ZNF385D: variants seen among roughly 807,000 people sequenced by gnomAD.
ZNF385D encodes zinc finger protein 385D, also known as zinc finger protein 659.
In ZNF385D, 15 loss-of-function variants were observed where a neutral mutation model predicts 35.8. That is an observed-to-expected ratio of 0.42 (90% CI 0.28 to 0.64). ZNF385D has a LOEUF of 0.64. ZNF385D is among the 30% of genes least tolerant of loss of function. The probability of loss-of-function intolerance (pLI) is 0.23; values close to 1 mark genes in which losing one functional copy is unlikely to be tolerated. For missense variants in ZNF385D, 474 were observed against 494.6 expected, an observed-to-expected ratio of 0.96 and a Z score of 0.39; for synonymous variants, 212 against 186.8, an observed-to-expected ratio of 1.13 and a Z score of -1.10.
chr3:21,866,743 C>G (rs934189879), intron 3 of ZNF385D, among the ~76,000 whole-genome samples: 5 of 152,102 alleles, frequency 3.3e-5, no homozygotes, highest in African/African-American at 1.2e-4. Context: ...CCTCTTTTCC[C>G]TCCATTTTAG....
At chr3:21,696,676 T>C (rs935988975) in intron 1 of ZNF385D, among the ~76,000 whole-genome samples, 6 of 152,250 alleles carry the variant, frequency 3.9e-5, no homozygotes, top group African/African-American at 1.2e-4. Flanking sequence ...AAATTGATCA[T>C]TGTCCATCAA....
At chr3:21,761,847 T>G (rs1294973821) in intron 3 of ZNF385D, among the ~76,000 whole-genome samples, 1 of 150,748 alleles carries the variant, frequency 6.6e-6, no homozygotes, top group Non-Finnish European at 1.5e-5. Flanking sequence ...CTTAAAATTA[T>G]GATTTCAAGA....
chr3:22,131,734 G>T (rs1703807055), intron 3 of ZNF385D, among the ~76,000 whole-genome samples: 1 of 152,154 alleles, frequency 6.6e-6, no homozygotes, highest in Admixed American at 6.6e-5. Context: ...GGGAGTTTTT[G>T]AAAGTTCATG....
At chr3:22,271,814 T>A (rs1701192397) in intron 2 of ZNF385D, among the ~76,000 whole-genome samples, 1 of 152,000 alleles carries the variant, frequency 6.6e-6, no homozygotes, top group South Asian at 2.1e-4. Context: ...CACTTTTCTA[T>A]CTTATTTTTT....
chr3:21,585,765 T>C (rs1559433313), intron 2 of ZNF385D, among the ~76,000 whole-genome samples: 2 of 152,178 alleles, frequency 1.3e-5, no homozygotes. Context: ...GTTTTCACTT[T>C]ATCATATAAA....
At chr3:21,761,665 G>C (rs775084498) in intron 3 of ZNF385D, among the ~76,000 whole-genome samples, 39 of 152,200 alleles carry the variant, frequency 2.6e-4, no homozygotes, top group Middle Eastern at 3.4e-3. Flanking sequence ...GAGGAGTGAA[G>C]AGTGCATGTC....
chr3:22,229,706 C>T (rs1166658621), intron 2 of ZNF385D, among the ~76,000 whole-genome samples: 2 of 152,162 alleles, frequency 1.3e-5, no homozygotes, highest in East Asian at 1.9e-4. Context: ...GCCTGATGGA[C>T]GACCACCTAC....
intron 3 of ZNF385D, among the ~76,000 whole-genome samples, chr3:22,141,036 T>C (rs1195055959): frequency 2.0e-5 from 3 of 152,194 alleles, no homozygotes. Flanking sequence ...CTGAGCAATT[T>C]ATAGTACAAC....
intron 3 of ZNF385D, among the ~76,000 whole-genome samples, chr3:21,523,997 A>C (rs899265433): frequency 1.3e-5 from 2 of 152,190 alleles, no homozygotes; most frequent in East Asian, 1.9e-4. Flanking sequence ...GTAAATTAAA[A>C]ATTTTCAGAA....
chr3:21,985,331 A>G (rs76846727), intron 3 of ZNF385D, among the ~76,000 whole-genome samples: 6,290 of 99,298 alleles, frequency 0.063, 202 homozygotes, highest in Middle Eastern at 0.16. Flanking sequence ...ATTATTTTGA[A>G]ATACGTCCCA....
chr3:22,012,676 A>T (rs1696650756), intron 3 of ZNF385D, among the ~76,000 whole-genome samples: 1 of 152,100 alleles, frequency 6.6e-6, no homozygotes, highest in South Asian at 2.1e-4. Flanking sequence ...TCAACAGGGA[A>T]GTATAATGAC....
chr3:22,248,697 A>AT (rs979030057), intron 2 of ZNF385D, among the ~76,000 whole-genome samples: 1 of 152,046 alleles, frequency 6.6e-6, no homozygotes, highest in Non-Finnish European at 1.5e-5. Flanking sequence ...ATCTTTCGTG[A>AT]TTTTAAAATA....
intron 3 of ZNF385D, among the ~76,000 whole-genome samples, chr3:21,993,738 T>TGCAGATC (rs1695292710): frequency 6.6e-6 from 1 of 152,200 alleles, no homozygotes; most frequent in Non-Finnish European, 1.5e-5. Flanking sequence ...AAAACATTCC[T>TGCAGATC]GCAGATCATT....
chr3:22,131,188 G>T (rs987747022), intron 3 of ZNF385D, among the ~76,000 whole-genome samples: 1 of 152,114 alleles, frequency 6.6e-6, no homozygotes, highest in Non-Finnish European at 1.5e-5. Context: ...AGAAGTCAGG[G>T]TGGGCAATGA....
In ZNF385D at chr3:21,819,577, T is replaced by G. The variant is rs539577501; in HGVS notation, c.326-154549A>C. On this transcript the variant is annotated intron_variant, in intron 3 of 5. Transcript: ENST00000494108. Reference sequence around the variant, plus strand: ...TAGGAAAATACAAATTAATTATATGTACACATATGTGCTACATATGTGTGT... The same window carrying G: ...TAGGAAAATACAAATTAATTATATGGACACATATGTGCTACATATGTGTGT... 1.9e-4 allele frequency among the ~76,000 whole-genome samples: 29 copies of G among 148,996 alleles called. No homozygotes were observed. In the East Asian group the frequency reaches 4.5e-3, roughly 23 times the overall value.
intron 3 of ZNF385D, among the ~76,000 whole-genome samples, chr3:21,982,468 G>A (rs550160733): frequency 1.3e-5 from 2 of 152,140 alleles, no homozygotes; most frequent in Non-Finnish European, 1.5e-5. Flanking sequence ...GTTTATCAGT[G>A]GGAGGAGCTT....
intron 2 of ZNF385D, among the ~76,000 whole-genome samples, chr3:22,259,963 A>G (rs1052912550): frequency 6.6e-6 from 1 of 152,028 alleles, no homozygotes; most frequent in African/African-American, 2.4e-5. Flanking sequence ...ATAAAAGAGA[A>G]AAGGATTGTT....
intron 2 of ZNF385D, among the ~76,000 whole-genome samples, chr3:22,215,073 G>T (rs113542531): frequency 6.6e-6 from 1 of 151,870 alleles, no homozygotes; most frequent in Non-Finnish European, 1.5e-5. Flanking sequence ...TTCTCAGACC[G>T]GCTGACACTT....
At chr3:21,422,007 C>T (rs1000707936) in intron 7 of ZNF385D, among the ~76,000 whole-genome samples, 11 of 152,278 alleles carry the variant, frequency 7.2e-5, no homozygotes, top group African/African-American at 2.2e-4. Flanking sequence ...ACACGTTCCA[C>T]TTTTTCTTTA....
Sources: allele counts gnomAD v4.1 joint callset (sites outside exome capture counted in the v4.1 genomes callset), GRCh38; gene constraint gnomAD v4.1.1; transcripts MANE v1.5; gene names NCBI Gene and HGNC (gene_info 2026-07-23, HGNC 2026-07-21).